Variants in DPP6 observed in about 807,000 individuals in gnomAD.
DPP6 encodes dipeptidyl peptidase like 6, also known as A-type potassium channel modulatory protein DPP6.
In DPP6, 69 loss-of-function variants were observed where a neutral mutation model predicts 122.6. That is an observed-to-expected ratio of 0.56 (90% confidence interval 0.46 to 0.69). DPP6 has a LOEUF of 0.69. DPP6 is among the 30% of genes least tolerant of loss of function. DPP6 has a pLI of 0.00. For synonymous variants in DPP6, 418 were observed against 433.1 expected (o/e 0.97, Z 0.43); for missense variants, 928 against 1,116.9 (o/e 0.83, Z 2.41).
At chr7:154,025,914 C>T (rs369804480) in intron 1 of DPP6, among the ~76,000 whole-genome samples, 4,034 of 139,646 alleles carry the variant, frequency 0.029, 69 homozygotes, top group South Asian at 0.066. Flanking sequence ...TTGCTCAAAC[C>T]GTGCACATTC....
intron 12 of DPP6, chr7:154,796,098 T>C (rs369476744): frequency 9.0e-6 from 6 of 668,972 alleles, no homozygotes; most frequent in South Asian, 5.9e-5. Flanking sequence ...CCAGGGAGGG[T>C]CGTGTGAAAA....
chr7:154,570,213 T>C (rs1831024710), intron 5 of DPP6, among the ~76,000 whole-genome samples: 1 of 151,888 alleles, frequency 6.6e-6, no homozygotes. Flanking sequence ...TTAAGGAGTT[T>C]AGACACAAAT....
At chr7:153,778,371 A>G in the DPP6 span, among the ~76,000 whole-genome samples, 1 of 152,088 alleles carries the variant, frequency 6.6e-6, no homozygotes. Flanking sequence ...ATAAATATAA[A>G]TGTGTGTGTA....
intron 3 of DPP6, among the ~76,000 whole-genome samples, chr7:154,479,200 G>C (rs932477544): frequency 6.6e-6 from 1 of 152,164 alleles, no homozygotes; most frequent in African/African-American, 2.4e-5. Context: ...AGACCTTGTA[G>C]ACTTCCTTAC....
At chr7:154,256,560 A>G (rs567181506) in intron 1 of DPP6, among the ~76,000 whole-genome samples, 5 of 152,374 alleles carry the variant, frequency 3.3e-5, no homozygotes, top group Non-Finnish European at 7.3e-5. Context: ...AATTATGAAC[A>G]GAATCATGAC....
At position 154,732,107 on chromosome 7, in the gene DPP6, C is replaced by T. The variant is rs58182474; in HGVS notation, c.883+4220C>T. On this transcript the variant is annotated intron_variant, in intron 8 of 25. Coordinates refer to ENST00000377770, the MANE Select transcript of DPP6 (RefSeq NM_130797.4). ...AGGCTGGAGTGTAGTGGCGCAATCT[C>T]GGCTCACTGCAAGCTCCGCCTCCCA... is the stretch of plus-strand genomic sequence containing the variant. 2.4e-3 allele frequency among the ~76,000 whole-genome samples: 367 copies of T among 151,736 alleles called. 1 individual carries two copies. The highest frequency in any genetic ancestry group is 8.3e-3 in the African/African-American group (344 of 41,340).
chr7:153,968,925 A>G (rs1795885682), intron 1 of DPP6: 1 of 152,130 alleles, frequency 6.6e-6, no homozygotes, highest in African/African-American at 2.4e-5. Flanking sequence ...ATGTAGTAGC[A>G]TGTCAGTACT....
At chr7:153,878,809 CAGAA>C in the DPP6 span, among the ~76,000 whole-genome samples, 28 of 151,742 alleles carry the variant, frequency 1.8e-4, no homozygotes, top group Admixed American at 1.6e-3. Flanking sequence ...CATTAAAAGA[CAGAA>C]GGAAGAGGAG....
chr7:154,439,262 A>G (rs1819161489), intron 1 of DPP6, among the ~76,000 whole-genome samples: 1 of 152,236 alleles, frequency 6.6e-6, no homozygotes, highest in Admixed American at 6.5e-5. Context: ...ATGCAAAAAC[A>G]GCCATTATCT....
intron 1 of DPP6, among the ~76,000 whole-genome samples, chr7:154,230,603 C>T (rs1196886440): frequency 1.3e-5 from 2 of 152,204 alleles, no homozygotes; most frequent in African/African-American, 4.8e-5. Context: ...AAGGGACTTT[C>T]CCAGTGTCCC....
intron 1 of DPP6, among the ~76,000 whole-genome samples, chr7:153,939,902 A>G (rs955307296): frequency 3.3e-5 from 5 of 152,242 alleles, no homozygotes; most frequent in Non-Finnish European, 5.9e-5. Context: ...CAGTTCATAC[A>G]GCATGAAGTT....
intron 1 of DPP6, among the ~76,000 whole-genome samples, chr7:153,890,934 G>A (rs1051738153): frequency 1.3e-5 from 2 of 149,178 alleles, no homozygotes; most frequent in East Asian, 2.0e-4. Flanking sequence ...CTGACCTCAG[G>A]TAATCTGCCT....
chr7:154,774,723 G>A (rs1796460119), intron 10 of DPP6, among the ~76,000 whole-genome samples: 1 of 152,188 alleles, frequency 6.6e-6, no homozygotes, highest in Admixed American at 6.5e-5. Context: ...GAAATCCCAG[G>A]CTCAATGTAG....
intron 1 of DPP6, chr7:154,058,691 T>G (rs1411768016): frequency 6.8e-6 from 1 of 146,930 alleles, no homozygotes; most frequent in Admixed American, 6.7e-5. Flanking sequence ...GGTGTCCAAG[T>G]AGAAAGTTCA....
Position 154,827,772 on chromosome 7 carries a change from C to A in DPP6, c.1666+20660C>A, listed in dbSNP as rs564632738. On this transcript the variant is annotated intron_variant, in intron 16 of 25. Coordinates refer to ENST00000377770, the MANE Select transcript of DPP6 (RefSeq NM_130797.4). ...CCCAAGTGGAGTGAGGAGGGGGTGT[C>A]TCCCAGAAAGGATGTCCTGTGGGGG... Among the ~76,000 whole-genome samples, 237 of 132,308 alleles carry A rather than the reference C, an allele frequency of 1.8e-3. 2 individuals are homozygous for A. The highest frequency in any genetic ancestry group is 3.3e-3 in the Non-Finnish European group (207 of 63,298). 86.8% of individuals were successfully genotyped at this position (132,308 alleles called of 152,430 possible).
chr7:154,228,597 T>C (rs1461946900), intron 1 of DPP6, among the ~76,000 whole-genome samples: 1 of 152,162 alleles, frequency 6.6e-6, no homozygotes, highest in Non-Finnish European at 1.5e-5. Flanking sequence ...AGTAAGAACC[T>C]AAGATATTGT....
rs150140943 is a variant in DPP6, at chr7:154,710,328, T to G, written c.763-17439T>G. On this transcript the variant is annotated intron_variant, in intron 7 of 25. Transcript: ENST00000377770. Reference sequence around the variant, plus strand: ...TCTCAATGCAACTTATCATAAATAATGCTGTCATGAATAGAGGTAATATTC... The same window carrying G: ...TCTCAATGCAACTTATCATAAATAAGGCTGTCATGAATAGAGGTAATATTC... 6.6e-5 allele frequency among the ~76,000 whole-genome samples: 10 copies of G among 152,288 alleles called. No individual in the cohort carries two copies. The East Asian group carries it at 1.9e-3, about 29-fold the overall frequency.
intron 3 of DPP6, among the ~76,000 whole-genome samples, chr7:154,489,727 C>T (rs1201502534): frequency 6.6e-6 from 1 of 151,990 alleles, no homozygotes; most frequent in African/African-American, 2.4e-5. Context: ...GAAATGTCCT[C>T]CCTCCAGAAA....
Position 154,880,975 on chromosome 7 carries a change from TCA to T in DPP6, c.2133+34_2133+35del, listed in dbSNP as rs1294326967. On this transcript the variant is annotated intron_variant, in intron 21 of 25. Coordinates refer to ENST00000377770, the MANE Select transcript of DPP6 (RefSeq NM_130797.4). Reference sequence around the variant, plus strand: ...TGCGCCACCCTGGTCTGAAAACCCCTCAGTTCCAGTGTGGCCTGCACCATTAC... The same window carrying T: ...TGCGCCACCCTGGTCTGAAAACCCCTGTTCCAGTGTGGCCTGCACCATTAC... 6.2e-6 allele frequency: 10 copies of T among 1,612,234 alleles called. No homozygotes were observed. The Middle Eastern group carries it at 8.2e-4, about 132-fold the overall frequency.
Sources: gnomAD v4.1 joint callset for allele counts (sites outside exome capture counted in the v4.1 genomes callset) on GRCh38, gnomAD v4.1.1 for gene constraint, MANE v1.5 for transcripts, NCBI Gene and HGNC (gene_info 2026-07-23, HGNC 2026-07-21) for gene names.